Variants in BEND3 observed in about 807,000 individuals in gnomAD.
The protein encoded by BEND3 is BEN domain containing 3.
In BEND3, 13 loss-of-function variants were observed where a neutral mutation model predicts 60.1. That is an observed-to-expected ratio of 0.22 (90% CI 0.14 to 0.34). BEND3 has a LOEUF of 0.34. Ranked by LOEUF, BEND3 falls within the 10% of genes least tolerant of loss-of-function variation. The probability of loss-of-function intolerance (pLI) is 1.00; values close to 1 mark genes in which losing one functional copy is unlikely to be tolerated. For synonymous variants in BEND3, 497 were observed against 491.5 expected (o/e 1.01, Z -0.15); for missense variants, 896 against 1,138.1 (o/e 0.79, Z 3.06).
intron 1 of BEND3, chr6:107,114,479 T>C (rs1770214718): frequency 6.6e-6 from 1 of 150,982 alleles, no homozygotes; most frequent in African/African-American, 2.4e-5. Context: ...CCTCGCTCCA[T>C]TTGCAGCCTC....
In BEND3 at chr6:107,073,197, GTATGTATATATATATATATA is replaced by G. The variant is rs1253984501; in HGVS notation, c.241-2267_241-2248del. Among the ~76,000 whole-genome samples the G allele has an allele frequency of 1.2e-3, 35 of 30,212 alleles. 2 individuals carry two copies. The highest frequency in any genetic ancestry group is 3.9e-3 in the South Asian group (4 of 1,028). The allele number at this position is 30,212 out of a possible 152,430, so 19.8% of individuals were successfully genotyped here. A position where few individuals can be genotyped will look rare whatever the true frequency, so the allele number is the denominator to read the frequency against. ...AATACTTCCTTCAGGGTTTGTATGT[GTATGTATATATATATATATA>G]TATATATATATATATATATATATAT... On this transcript the variant is annotated intron_variant, in intron 3 of 3. Transcript: ENST00000369042.
At chr6:107,104,613 A>G (rs1347334706) in intron 1 of BEND3, among the ~76,000 whole-genome samples, 19 of 152,010 alleles carry the variant, frequency 1.2e-4, no homozygotes, top group African/African-American at 4.3e-4. Flanking sequence ...TGTAAGTGGT[A>G]TATAAATAGT....
intron 1 of BEND3, among the ~76,000 whole-genome samples, chr6:107,099,567 G>A (rs1775662012): frequency 6.6e-6 from 1 of 152,120 alleles, no homozygotes; most frequent in Non-Finnish European, 1.5e-5. Flanking sequence ...ACTGAGCCAT[G>A]GGAACATTAC....
chr6:107,082,829 C>T (rs1197792017), intron 3 of BEND3, among the ~76,000 whole-genome samples: 1 of 152,134 alleles, frequency 6.6e-6, no homozygotes, highest in Non-Finnish European at 1.5e-5. Flanking sequence ...TTTCATTTCC[C>T]GAATTCTGGC....
At chr6:107,099,128 T>C (rs1554236431) in intron 2 of BEND3, 121 bp downstream of exon 2, 2 of 763,670 alleles carry the variant, frequency 2.6e-6, no homozygotes, top group Non-Finnish European at 4.5e-6. Flanking sequence ...GGGGAACAAG[T>C]GTGTGGGTGG....
chr6:107,112,552 T>A (rs1762686), intron 1 of BEND3, among the ~76,000 whole-genome samples: 150,433 of 152,202 alleles, frequency 0.99, 74,358 homozygotes, highest in Middle Eastern at 1. Flanking sequence ...ATCTCTGGTA[T>A]CAACAACAAC....
chr6:107,071,054 G>C lies in BEND3; in HGVS notation c.241-104C>G, dbSNP rs1774969948. Reference sequence around the variant, plus strand: ...ACAGAGGCCGAGGTCAACCTTGGGAGCATGTAAGAAACTGATTCCTCACCC... The same window carrying C: ...ACAGAGGCCGAGGTCAACCTTGGGACCATGTAAGAAACTGATTCCTCACCC... On this transcript the variant is annotated intron_variant, in intron 3 of 3. Transcript: ENST00000369042. 2.1e-5 allele frequency: 24 copies of C among 1,129,166 alleles called. No homozygotes were observed. In the South Asian group the frequency reaches 3.6e-4, roughly 17 times the overall value. 69.9% of individuals were successfully genotyped at this position (1,129,166 alleles called of 1,614,324 possible).
At position 107,107,708 on chromosome 6, in the gene BEND3, T is replaced by A. The variant is rs146928664; in HGVS notation, c.-12+7382A>T. Among the ~76,000 whole-genome samples, 945 of 152,312 alleles carry A rather than the reference T, an allele frequency of 6.2e-3. 17 individuals carry two copies. The highest frequency in any genetic ancestry group is 0.022 in the African/African-American group (924 of 41,574). ...GAACTCCTGGCTTCAAAGTTCCACC[T>A]GCCTTGGCCTCCCAAAGTTCTGGGA... On this transcript the variant is annotated intron_variant, in intron 1 of 3. Coordinates refer to ENST00000369042, the MANE Select transcript of BEND3 (RefSeq NM_001367314.1).
chr6:107,097,802 A>C (rs1353091744), intron 3 of BEND3, among the ~76,000 whole-genome samples: 3 of 151,190 alleles, frequency 2.0e-5, no homozygotes, highest in South Asian at 2.1e-4. Flanking sequence ...AAAAAAAAAA[A>C]AAAAAAAAAA....
At chr6:107,088,383 A>G (rs1554234640) in intron 3 of BEND3, among the ~76,000 whole-genome samples, 1 of 152,218 alleles carries the variant, frequency 6.6e-6, no homozygotes, top group African/African-American at 2.4e-5. Context: ...ATGGGAATAC[A>G]TGGAAAGAGA....
Position 107,069,294 on chromosome 6 carries a change from G to C in BEND3, c.1897C>G (p.Leu633Val). The C allele has an allele frequency of 1.2e-6, 2 of 1,612,616 alleles. No homozygotes were observed. The change falls in exon 4 of 4, where the codon CTG becomes GTG. Residue 633 changes from leucine (L) to valine (V), a missense_variant. Coordinates refer to ENST00000369042, the MANE Select transcript of BEND3 (RefSeq NM_001367314.1). ...PRAKNDRVWT[L>V]EFVGKLDERC... ...TCATCCAGTTTGCCCACGAACTCCA[G>C]GGTCCAGACGCGGTCGTTTTTGGCG...
chr6:107,107,221 G>T (rs142723920), intron 1 of BEND3, among the ~76,000 whole-genome samples: 2,286 of 152,204 alleles, frequency 0.015, 67 homozygotes, highest in African/African-American at 0.051. Context: ...ACAGGTATGA[G>T]CCACTGCACC....
intron 1 of BEND3, among the ~76,000 whole-genome samples, chr6:107,111,220 A>G (rs562995594): frequency 8.5e-5 from 13 of 152,118 alleles, no homozygotes; most frequent in Admixed American, 8.5e-4. Context: ...ATGAAAGATA[A>G]CACATGTAGG....
At chr6:107,073,479 C>T (rs927920511) in intron 3 of BEND3, among the ~76,000 whole-genome samples, 5 of 151,974 alleles carry the variant, frequency 3.3e-5, no homozygotes, top group East Asian at 1.9e-4. Context: ...GATGGGACCA[C>T]GTTGTTCCTG....
Position 107,070,410 on chromosome 6 carries a change from G to C in BEND3, c.781C>G (p.Leu261Val). Residue 261 changes from leucine to valine, a missense_variant, in exon 4 of 4, where the codon CTG becomes GTG. Physicochemically the swap from Leu to Val is conservative, Grantham distance 32. Transcript: ENST00000369042. This position sits in a 1 kb window ranked among gnomAD's most constrained non-coding sequence, Gnocchi z 6.9. ...CGGCAGGCCAGGTCCCCCCCTGACA[G>C]GCTCTGGTCCACGATCTGCTTGAGC... ...AELKQIVDQS[L>V]SGGDLACRLL... The C allele has an allele frequency of 6.2e-7, 1 of 1,614,018 alleles. No individual in the cohort carries two copies. The highest frequency in any genetic ancestry group is 1.1e-5 in the South Asian group (1 of 91,084).
chr6:107,072,073 A>G (rs1554232174), intron 3 of BEND3, among the ~76,000 whole-genome samples: 1 of 152,230 alleles, frequency 6.6e-6, no homozygotes, highest in Non-Finnish European at 1.5e-5. Context: ...CCAGATACTT[A>G]TGTAAATGTA....
At chr6:107,114,046 T>C (rs1488435798) in intron 1 of BEND3, 5 of 152,244 alleles carry the variant, frequency 3.3e-5, no homozygotes, top group Non-Finnish European at 7.3e-5. Context: ...AGTTAGCGTT[T>C]ACGTGCAGAA....
chr6:107,098,764 G>T lies in BEND3; in HGVS notation c.38-11C>A. On this transcript the variant is annotated splice_polypyrimidine_tract_variant and intron_variant, in intron 2 of 3. Transcript: ENST00000369042. ...TGATACTTTTTAGAACTGTGTCAGA[G>T]AAGAAATAGGGCTCAGTGGGAAAAA... 3 of 1,611,394 alleles carry T rather than the reference G, an allele frequency of 1.9e-6. No homozygotes were observed. The highest frequency in any genetic ancestry group is 1.1e-5 in the South Asian group (1 of 90,996).
chr6:107,112,974 C>G (rs1048925386), intron 1 of BEND3, among the ~76,000 whole-genome samples: 3 of 150,588 alleles, frequency 2.0e-5, no homozygotes, highest in Non-Finnish European at 4.4e-5. Flanking sequence ...CTGGCTAACA[C>G]GGTGAAAGCC....
Sources: allele counts gnomAD v4.1 joint callset (sites outside exome capture counted in the v4.1 genomes callset), GRCh38; gene constraint gnomAD v4.1.1; non-coding constraint Gnocchi (gnomAD v3.1); transcripts MANE v1.5; gene names NCBI Gene and HGNC (gene_info 2026-07-23, HGNC 2026-07-21).